ALMS1: variants seen among roughly 807,000 people sequenced by gnomAD.
The protein encoded by ALMS1 is ALMS1 centrosome and basal body associated protein, also known as centrosome-associated protein ALMS1.
ALMS1 carries 271 observed loss-of-function variants against 352.2 expected under a neutral mutation model. The ratio of observed to expected loss-of-function variants is 0.77; its 90% confidence interval spans 0.70 to 0.85. ALMS1 has a LOEUF of 0.85. Ranked by LOEUF, ALMS1 falls within the 40% of genes least tolerant of loss-of-function variation. The probability of loss-of-function intolerance (pLI) is 0.00; values close to 1 mark genes in which losing one functional copy is unlikely to be tolerated. For synonymous variants in ALMS1, 1,865 were observed against 1,761.2 expected (o/e 1.06, Z -1.48); for missense variants, 5,445 against 4,870.7 (o/e 1.12, Z -3.51).
At chr2:73,386,917 G>T (rs2104063783) in intron 1 of ALMS1, among the ~76,000 whole-genome samples, 1 of 152,222 alleles carries the variant, frequency 6.6e-6, no homozygotes, top group South Asian at 2.1e-4. Flanking sequence ...AGCAAGACCT[G>T]CCCTGCTCAG....
Position 73,450,366 on chromosome 2 carries a change from C to G in ALMS1, c.3839C>G (p.Ala1280Gly), listed in dbSNP as rs1017054461. The change falls in exon 8 of 23, where the codon GCT becomes GGT. Residue 1280 changes from alanine to glycine, a missense_variant. Ala to Gly is a moderately conservative substitution (Grantham distance 60, BLOSUM62 0). Coordinates refer to ENST00000613296, the MANE Select transcript of ALMS1 (RefSeq NM_001378454.1). Reference protein sequence around the residue: ...EPVDQTTGTPAVTSTSYSQYR... With the variant: ...EPVDQTTGTPGVTSTSYSQYR... ...GTTGACCAGACAACTGGCACACCAG[C>G]TGTAACCTCTACTTCCTACTCACAA... 9.3e-6 allele frequency: 15 copies of G among 1,613,252 alleles called. No homozygotes were observed. The African/African-American group carries it at 2.0e-4, about 22-fold the overall frequency.
At position 73,559,058 on chromosome 2, in the gene ALMS1, C is replaced by A. The variant is rs1209997777; in HGVS notation, c.10300C>A (p.Gln3434Lys). The change falls in exon 15 of 23, where the codon CAG (glutamine) becomes AAG (lysine). Residue 3434 changes from glutamine (Q) to lysine (K), a missense_variant. Coordinates refer to ENST00000613296, the MANE Select transcript of ALMS1 (RefSeq NM_001378454.1). ...CTTGCCAGACACTAAAGCCATTACA[C>A]AGAAAGAGGAGATCCATAGGAAGAA... ...KNLPDTKAIT[Q>K]KEEIHRKKTV... is the part of the protein sequence containing the mutation. 6.2e-7 allele frequency: 1 copy of A among 1,613,982 alleles called. No homozygotes were observed. The highest frequency in any genetic ancestry group is 1.7e-5 in the Admixed American group (1 of 60,000).
Position 73,425,063 on chromosome 2 carries a change from T to C in ALMS1, c.1237+161T>C, listed in dbSNP as rs1217844686. On this transcript the variant is annotated intron_variant, in intron 5 of 22. Transcript: ENST00000613296. ...CGTGTGTAATCAGTAAGGACTGTTT[T>C]TCCTTTCCATGTGAAGTTGCTGCTC... Among the ~76,000 whole-genome samples the C allele has an allele frequency of 2.0e-5, 3 of 152,162 alleles. No individual in the cohort carries two copies. In the East Asian group the frequency reaches 5.8e-4, roughly 29 times the overall value.
At chr2:73,429,130 A>C (rs1671451160) in intron 6 of ALMS1, among the ~76,000 whole-genome samples, 1 of 152,096 alleles carries the variant, frequency 6.6e-6, no homozygotes, top group Non-Finnish European at 1.5e-5. Flanking sequence ...AAATGGGGTA[A>C]GTTATGTAGC....
intron 12 of ALMS1, among the ~76,000 whole-genome samples, chr2:73,548,975 A>G (rs1199438022): frequency 6.6e-6 from 1 of 152,212 alleles, no homozygotes; most frequent in Non-Finnish European, 1.5e-5. Flanking sequence ...AGAACCCAAT[A>G]TAATCTATTT....
intron 12 of ALMS1, among the ~76,000 whole-genome samples, chr2:73,540,773 G>C (rs888988583): frequency 1.3e-5 from 2 of 152,136 alleles, no homozygotes; most frequent in Non-Finnish European, 2.9e-5. Context: ...AAAAGAGGCA[G>C]AGAAGGCCAT....
At chr2:73,569,054 G>A (rs71416797) in intron 15 of ALMS1, among the ~76,000 whole-genome samples, 2 of 114,542 alleles carry the variant, frequency 1.7e-5, no homozygotes, top group Non-Finnish European at 3.3e-5. Flanking sequence ...TCGCTCTGTC[G>A]CCCAGGCTGG....
chr2:73,565,847 C>CA (rs1466506141), intron 15 of ALMS1, among the ~76,000 whole-genome samples: 1 of 152,142 alleles, frequency 6.6e-6, no homozygotes, highest in Non-Finnish European at 1.5e-5. Context: ...TCAAAACTGT[C>CA]AGAGTCATGA....
intron 16 of ALMS1, among the ~76,000 whole-genome samples, chr2:73,583,782 T>G (rs7558944): frequency 0.31 from 47,214 of 152,060 alleles, 9,118 homozygotes; most frequent in African/African-American, 0.55. Context: ...CAAAAATCAT[T>G]TGAACATATA....
intron 1 of ALMS1, among the ~76,000 whole-genome samples, chr2:73,388,585 C>A (rs1435272694): frequency 6.6e-6 from 1 of 152,148 alleles, no homozygotes; most frequent in East Asian, 1.9e-4. Flanking sequence ...TTTTCTGTTT[C>A]TGAATTGTTT....
At chr2:73,606,123 A>C (rs1167088357) in intron 21 of ALMS1, among the ~76,000 whole-genome samples, 2 of 152,246 alleles carry the variant, frequency 1.3e-5, no homozygotes, top group Admixed American at 1.3e-4. Flanking sequence ...TCTTCTCACT[A>C]ACATTTTTTT....
intron 9 of ALMS1, among the ~76,000 whole-genome samples, chr2:73,464,020 A>G (rs1273321639): frequency 2.0e-5 from 3 of 152,210 alleles, no homozygotes; most frequent in Non-Finnish European, 4.4e-5. Flanking sequence ...AGAGGTACAA[A>G]GAGGAGCTGG....
Position 73,573,072 on chromosome 2 carries a change from A to G in ALMS1, c.11195A>G (p.Asn3732Ser). Reference sequence around the variant, plus strand: ...CAGCCAGGTTTTAATTATATAAGCAACACTTCTTCGGATTGTCGGCCCTCA... The same window carrying G: ...CAGCCAGGTTTTAATTATATAAGCAGCACTTCTTCGGATTGTCGGCCCTCA... ...SKQPGFNYISNTSSDCRPSEE... is the reference protein window; with the variant it reads ...SKQPGFNYISSTSSDCRPSEE... Residue 3732 changes from asparagine to serine, a missense_variant, in exon 16 of 23, where the codon AAC becomes AGC. By Grantham distance (46) the Asn-to-Ser change is conservative. Transcript: ENST00000613296. The G allele has an allele frequency of 6.2e-7, 1 of 1,614,084 alleles. No homozygotes were observed. The highest frequency in any genetic ancestry group is 8.5e-7 in the Non-Finnish European group (1 of 1,180,002).
chr2:73,499,863 C>T (rs1178662913), intron 10 of ALMS1, among the ~76,000 whole-genome samples: 1 of 152,050 alleles, frequency 6.6e-6, no homozygotes, highest in Non-Finnish European at 1.5e-5. Flanking sequence ...AGAATGACTC[C>T]CCTCCTCCCC....
Position 73,487,068 on chromosome 2 carries a change from GA to G in ALMS1, c.7675-2563del, listed in dbSNP as rs1276024665. Among the ~76,000 whole-genome samples, 6 of 152,108 alleles carry G rather than the reference GA, an allele frequency of 3.9e-5. No individual in the cohort carries two copies. The East Asian group carries it at 9.6e-4, about 24-fold the overall frequency. On this transcript the variant is annotated intron_variant, in intron 9 of 22. Coordinates refer to ENST00000613296, the MANE Select transcript of ALMS1 (RefSeq NM_001378454.1). ...GTCTTAAACAAAGAAGAAGAGAAAA[GA>G]AAGAAAAATGTCACAGGATCCTCAG...
intron 16 of ALMS1, among the ~76,000 whole-genome samples, chr2:73,584,685 G>T (rs545805847): frequency 6.6e-6 from 1 of 152,220 alleles, no homozygotes; most frequent in Non-Finnish European, 1.5e-5. Context: ...TGGTTACATG[G>T]ATAAGTTGTT....
Position 73,602,190 on chromosome 2 carries a change from G to A in ALMS1, c.12120G>A (p.Ser4040=), listed in dbSNP as rs764462322. Residue 4040 remains serine (S), a synonymous_variant, in exon 20 of 23, where the codon TCG becomes TCA. Coordinates refer to ENST00000613296, the MANE Select transcript of ALMS1 (RefSeq NM_001378454.1). ...RPFVRATLQE[S]LQFHRPDFIS... ...CTCTTTTTTTTTTCTTTTAGGAATC[G>A]CTTCAGTTTCACAGACCTGACTTCA... is the stretch of plus-strand genomic sequence containing the variant. The A allele has an allele frequency of 1.7e-5, 27 of 1,613,374 alleles. No individual in the cohort carries two copies. The East Asian group carries it at 2.2e-4, about 13-fold the overall frequency.
At chr2:73,601,603 C>A (rs960860741) in intron 19 of ALMS1, among the ~76,000 whole-genome samples, 167 bp downstream of exon 19, 1 of 152,236 alleles carries the variant, frequency 6.6e-6, no homozygotes, top group African/African-American at 2.4e-5. Context: ...GGTTTCTCAT[C>A]ATCTGTCAAA....
At chr2:73,447,163 T>C (rs1292643570) in intron 7 of ALMS1, among the ~76,000 whole-genome samples, 1 of 152,224 alleles carries the variant, frequency 6.6e-6, no homozygotes, top group Non-Finnish European at 1.5e-5. Context: ...GTCATTTCTG[T>C]TGCAGTCACT....
Sources: gnomAD v4.1 joint callset for allele counts (sites outside exome capture counted in the v4.1 genomes callset) on GRCh38, gnomAD v4.1.1 for gene constraint, MANE v1.5 for transcripts, NCBI Gene and HGNC (gene_info 2026-07-23, HGNC 2026-07-21) for gene names.